The following TSPAN4 variants were observed in gnomAD, a reference collection of about 807,000 sequenced individuals.
TSPAN4 encodes tetraspanin 4, also known as tetraspanin-4.
Under a neutral mutation model 31.5 loss-of-function variants are expected in TSPAN4, and 38 were observed. That is an observed-to-expected ratio of 1.21 (90% CI 0.93 to 1.58). The LOEUF (loss-of-function observed/expected upper bound fraction) is 1.58, where lower values mean the gene tolerates loss of function less well. Ranked by LOEUF, TSPAN4 falls within the 40% of genes most tolerant of loss-of-function variation. The probability of loss-of-function intolerance (pLI) is 0.00; values close to 1 mark genes in which losing one functional copy is unlikely to be tolerated. For synonymous variants in TSPAN4, 186 were observed against 144.6 expected, an observed-to-expected ratio of 1.29 and a Z score of -2.06; for missense variants, 330 against 317.3, an observed-to-expected ratio of 1.04 and a Z score of -0.30.
At chr11:849,800 C>G (rs1847534270) in intron 2 of TSPAN4, 1 of 121,360 alleles carries the variant, frequency 8.2e-6, no homozygotes, top group Non-Finnish European at 1.7e-5. Context: ...GCCGGGAGGG[C>G]GCGGGGCGGG....
At chr11:858,758 C>T (rs1253044751) in intron 3 of TSPAN4, 1 of 165,290 alleles carries the variant, frequency 6.0e-6, no homozygotes, top group Non-Finnish European at 1.3e-5. Flanking sequence ...ACATTCACGC[C>T]CGCTCACACG....
rs532773309 is a variant in TSPAN4, at chr11:855,560, G to GC, written c.63+5195dup. ...GCTTTGGACACTGGCCTCAGGGTGG[G>GC]CCTTGGTCACTGGGTGGGGCTGGTC... On this transcript the variant is annotated intron_variant, in intron 3 of 8. Transcript: ENST00000397397. Among the ~76,000 whole-genome samples, 230 of 152,320 alleles carry GC rather than the reference G, an allele frequency of 1.5e-3. No individual in the cohort carries two copies. The Middle Eastern group carries it at 0.017, about 11-fold the overall frequency.
At position 866,904 on chromosome 11, in the gene TSPAN4, G is replaced by A. The variant is rs1039590146; in HGVS notation, c.*274G>A. Reference sequence around the variant, plus strand: ...GGCCTCCAGCACTTTTTATATTTACGTATTCTCCAAAGCAGTGTTCACACG... The same window carrying A: ...GGCCTCCAGCACTTTTTATATTTACATATTCTCCAAAGCAGTGTTCACACG... On this transcript the variant is annotated 3_prime_UTR_variant, in exon 9 of 9. Coordinates refer to ENST00000397397, the MANE Select transcript of TSPAN4 (RefSeq NM_003271.5). 14 of 433,336 alleles carry A rather than the reference G, an allele frequency of 3.2e-5. No individual in the cohort carries two copies. Among genetic ancestry groups the A allele is most frequent in the Non-Finnish European group, 4.6e-5 (11 of 239,788 alleles). The allele number at this position is 433,336 out of a possible 1,614,324, so 26.8% of individuals were successfully genotyped here.
At chr11:845,848 G>A (rs1199574912) in intron 1 of TSPAN4, among the ~76,000 whole-genome samples, 1 of 152,090 alleles carries the variant, frequency 6.6e-6, no homozygotes, top group African/African-American at 2.4e-5. Context: ...TCAGAGTGGT[G>A]TCTCCAGCCT....
rs575757528 is a variant in TSPAN4, at chr11:848,207, T to TG, written c.-18+911dup. Among the ~76,000 whole-genome samples the TG allele has an allele frequency of 3.4e-3, 519 of 151,996 alleles. 6 individuals are homozygous for TG. Among genetic ancestry groups the TG allele is most frequent in the African/African-American group, 0.012 (498 of 41,456 alleles). On this transcript the variant is annotated intron_variant, in intron 2 of 8. Coordinates refer to ENST00000397397, the MANE Select transcript of TSPAN4 (RefSeq NM_003271.5). The surrounding 1 kb of genome is among the most constrained non-coding windows in gnomAD (Gnocchi z 5.7). Reference sequence around the variant, plus strand: ...TGCGGGTGAGGGTTTCTGTCAGGGTTGGGGTCCCAGGGCTCCTGGGGTCTC... The same window carrying TG: ...TGCGGGTGAGGGTTTCTGTCAGGGTTGGGGGTCCCAGGGCTCCTGGGGTCTC...
intron 5 of TSPAN4, 140 bp downstream of exon 5, chr11:864,651 C>A: frequency 9.1e-7 from 1 of 1,102,398 alleles, no homozygotes; most frequent in Non-Finnish European, 1.3e-6. Context: ...TGTGGATTTA[C>A]CAGGCCTGGA....
Position 866,707 on chromosome 11 carries a change from C to T in TSPAN4, c.*77C>T. 1 of 1,389,924 alleles carries T rather than the reference C, an allele frequency of 7.2e-7. No homozygotes were observed. Among genetic ancestry groups the T allele is most frequent in the South Asian group, 1.3e-5 (1 of 77,012 alleles). The allele number at this position is 1,389,924 out of a possible 1,614,324, so 86.1% of individuals were successfully genotyped here. On this transcript the variant is annotated 3_prime_UTR_variant, in exon 9 of 9. Transcript: ENST00000397397. ...GCACCCACAGCTGCCTTTCCCACCA[C>T]CAGCCTCGGTGCTCTGCCCCATGCT...
In TSPAN4 at chr11:864,463, C is replaced by A; in HGVS notation, c.282C>A (p.Phe94Leu). ...TCTTCCTGCTGCTGCTGCTGGTGTTCCTGCTGGAGGCCACCATCGCCATCC... is the reference window on the plus strand; with the variant it reads ...TCTTCCTGCTGCTGCTGCTGGTGTTACTGCTGGAGGCCACCATCGCCATCC... Reference protein sequence around the residue: ...LTFFLLLLLVFLLEATIAILF... With the variant: ...LTFFLLLLLVLLLEATIAILF... The change falls in exon 5 of 9, where the codon TTC (phenylalanine) becomes TTA (leucine). Residue 94 changes from phenylalanine to leucine, a missense_variant. By Grantham distance (22) the Phe-to-Leu change is conservative. Transcript: ENST00000397397. The A allele has an allele frequency of 6.2e-7, 1 of 1,612,872 alleles. No homozygotes were observed. Among genetic ancestry groups the A allele is most frequent in the South Asian group, 1.1e-5 (1 of 91,090 alleles).
intron 4 of TSPAN4, chr11:863,422 T>G (rs1848587064): frequency 6.6e-6 from 1 of 152,184 alleles, no homozygotes. Context: ...CCTGGATGGG[T>G]TGGGGCCTCC....
chr11:851,545 C>A (rs1423487779), intron 3 of TSPAN4, among the ~76,000 whole-genome samples: 1 of 152,172 alleles, frequency 6.6e-6, no homozygotes, highest in South Asian at 2.1e-4. Flanking sequence ...GGACAGCCAG[C>A]CTGGGTTGCC....
At position 866,758 on chromosome 11, in the gene TSPAN4, C is replaced by A. The variant is rs1312132754; in HGVS notation, c.*128C>A. On this transcript the variant is annotated 3_prime_UTR_variant, in exon 9 of 9. Coordinates refer to ENST00000397397, the MANE Select transcript of TSPAN4 (RefSeq NM_003271.5). Reference sequence around the variant, plus strand: ...GGGAGGAGGGAGGGAGGGACAGGTGCCTGGAGCCCCCGGAACCCTGTTTCT... The same window carrying A: ...GGGAGGAGGGAGGGAGGGACAGGTGACTGGAGCCCCCGGAACCCTGTTTCT... The A allele has an allele frequency of 1.0e-6, 1 of 962,146 alleles. No homozygotes were observed. The highest frequency in any genetic ancestry group is 2.8e-5 in the Admixed American group (1 of 35,436). 59.6% of individuals were successfully genotyped at this position (962,146 alleles called of 1,614,324 possible).
At chr11:849,573 C>A (rs890456092) in intron 2 of TSPAN4, among the ~76,000 whole-genome samples, 2 of 152,056 alleles carry the variant, frequency 1.3e-5, no homozygotes, top group Non-Finnish European at 2.9e-5. Flanking sequence ...AGGCCCCGGC[C>A]CCGGCCTCCA....
At position 862,888 on chromosome 11, in the gene TSPAN4, G is replaced by A. The variant is rs1848544796; in HGVS notation, c.255+147G>A. On this transcript the variant is annotated intron_variant, in intron 4 of 8. Coordinates refer to ENST00000397397, the MANE Select transcript of TSPAN4 (RefSeq NM_003271.5). ...CTCCAGGCTGGCAGTGTGGCCCGGG[G>A]CCCTGGCCACTGTTGGGTCTTCCAG... 8.2e-6 allele frequency: 7 copies of A among 857,530 alleles called. No individual in the cohort carries two copies. In the East Asian group the frequency reaches 1.7e-4, roughly 20 times the overall value. 53.1% of individuals were successfully genotyped at this position (857,530 alleles called of 1,614,324 possible).
chr11:862,987 G>A, intron 4 of TSPAN4: 1 of 500,206 alleles, frequency 2.0e-6, no homozygotes, highest in Non-Finnish European at 3.5e-6. Context: ...TACCTTGTCA[G>A]GGGCCTCCCC....
intron 3 of TSPAN4, among the ~76,000 whole-genome samples, chr11:850,702 C>T (rs573116136): frequency 1.3e-5 from 2 of 152,336 alleles, no homozygotes; most frequent in South Asian, 2.1e-4. Context: ...TGCGCCTCTC[C>T]TAGGGTCGGG....
chr11:843,573 G>A (rs1418989437), intron 1 of TSPAN4: 1 of 152,258 alleles, frequency 6.6e-6, no homozygotes, highest in Non-Finnish European at 1.5e-5. Flanking sequence ...TGGAGCTCAG[G>A]GCCTACGGAC....
chr11:858,888 A>G (rs1010845431), intron 3 of TSPAN4, among the ~76,000 whole-genome samples: 16 of 103,178 alleles, frequency 1.6e-4, no homozygotes, highest in Non-Finnish European at 2.8e-4. Flanking sequence ...CCCCTGGGTC[A>G]CACGCATCCC....
Position 866,000 on chromosome 11 carries a change from A to G in TSPAN4, c.647A>G (p.Gln216Arg), listed in dbSNP as rs1358196766. 2 of 1,611,766 alleles carry G rather than the reference A, an allele frequency of 1.2e-6. No individual in the cohort carries two copies. Among genetic ancestry groups the G allele is most frequent in the Non-Finnish European group, 1.7e-6 (2 of 1,179,946 alleles). The change falls in exon 8 of 9, where the codon CAG becomes CGG. Residue 216 changes from glutamine (Q) to arginine (R), a missense_variant and splice_region_variant. Coordinates refer to ENST00000397397, the MANE Select transcript of TSPAN4 (RefSeq NM_003271.5). ...GIFGLCTALV[Q>R]ILGLTFAMTM... ...TTTGGGCTGTGCACGGCGCTGGTGC[A>G]GGTATGGCCTGGGGGCCTGCGGGCT...
At chr11:866,345 C>T (rs1848828092) in intron 8 of TSPAN4, among the ~76,000 whole-genome samples, 3 of 152,034 alleles carry the variant, frequency 2.0e-5, no homozygotes, top group Admixed American at 2.0e-4. Flanking sequence ...TCTGGGTGTC[C>T]TCATGCCTGC....
Sources: gnomAD v4.1 joint callset for allele counts (sites outside exome capture counted in the v4.1 genomes callset) on GRCh38, gnomAD v4.1.1 for gene constraint, Gnocchi (gnomAD v3.1) non-coding constraint, MANE v1.5 for transcripts, NCBI Gene and HGNC (gene_info 2026-07-23, HGNC 2026-07-21) for gene names.